ZFHX4: variants seen among roughly 807,000 people sequenced by gnomAD.
ZFHX4 encodes the protein zinc finger homeobox 4.
In ZFHX4, 56 loss-of-function variants were observed where a neutral mutation model predicts 267.6. The observed-to-expected ratio is 0.21, with a 90% CI of 0.17 to 0.26. The LOEUF (loss-of-function observed/expected upper bound fraction) is 0.26, where lower values mean the gene tolerates loss of function less well. Ranked by LOEUF, ZFHX4 falls within the 10% of genes least tolerant of loss-of-function variation. ZFHX4 has a pLI of 1.00. For synonymous variants in ZFHX4, 1,778 were observed against 1,665.6 expected (o/e 1.07, Z -1.64); for missense variants, 4,332 against 4,420.0 (o/e 0.98, Z 0.56).
At chr8:76,699,287 C>A (rs1808039491) in intron 1 of ZFHX4, among the ~76,000 whole-genome samples, 2 of 152,140 alleles carry the variant, frequency 1.3e-5, no homozygotes, top group Non-Finnish European at 2.9e-5. Flanking sequence ...AACATAATGA[C>A]TCCTTAATAG....
At chr8:76,794,356 T>C (rs1218136105) in intron 4 of ZFHX4, among the ~76,000 whole-genome samples, 1 of 152,144 alleles carries the variant, frequency 6.6e-6, no homozygotes, top group Non-Finnish European at 1.5e-5. Context: ...AGATTTTGTG[T>C]CAGATTTTGT....
At chr8:76,708,141 A>G (rs1808331100) in intron 3 of ZFHX4, 93 bp downstream of exon 3, 1 of 1,516,468 alleles carries the variant, frequency 6.6e-7, no homozygotes, top group Non-Finnish European at 9.0e-7. Flanking sequence ...TTAAGGAAAA[A>G]AAAAGAGAAA....
chr8:76,763,852 T>C (rs1809982373), intron 3 of ZFHX4, among the ~76,000 whole-genome samples: 1 of 152,236 alleles, frequency 6.6e-6, no homozygotes, highest in Non-Finnish European at 1.5e-5. Flanking sequence ...ATGCATGTTG[T>C]AGATTCTCTA....
chr8:76,806,904 C>T (rs1811259630), intron 4 of ZFHX4, among the ~76,000 whole-genome samples: 1 of 151,948 alleles, frequency 6.6e-6, no homozygotes, highest in South Asian at 2.1e-4. Context: ...TTGGGATTCA[C>T]CTTGGGACTG....
intron 3 of ZFHX4, among the ~76,000 whole-genome samples, chr8:76,767,794 C>T (rs1810090483): frequency 6.6e-6 from 1 of 152,094 alleles, no homozygotes; most frequent in Non-Finnish European, 1.5e-5. Context: ...AGGAGAACTG[C>T]TTTTCTAAAT....
chr8:76,750,757 C>T (rs1252220237), intron 3 of ZFHX4, among the ~76,000 whole-genome samples: 1 of 152,050 alleles, frequency 6.6e-6, no homozygotes, highest in East Asian at 1.9e-4. Context: ...TGAAAAAAAT[C>T]AGTGGCAGTA....
rs765761593 is a variant in ZFHX4 at position 76,852,606 on chromosome 8, C to A, written c.5685C>A (p.Ile1895=). The change falls in exon 10 of 11, where the codon ATC becomes ATA. Residue 1895 remains isoleucine (I), a synonymous_variant. Transcript: ENST00000651372. ...AGCAAAAATCCTTGGAACCATCCAT[C>A]CCACCACCCCGAATAGCTTCAGGGG... The part of the protein sequence containing the change: ...TKKQKSLEPS[I]PPPRIASGAR... 9 of 1,612,322 alleles carry A rather than the reference C, an allele frequency of 5.6e-6. No homozygotes were observed. The highest frequency in any genetic ancestry group is 4.5e-5 in the East Asian group (2 of 44,760).
At chr8:76,767,900 A>G (rs1474224030) in intron 3 of ZFHX4, among the ~76,000 whole-genome samples, 1 of 152,214 alleles carries the variant, frequency 6.6e-6, no homozygotes. Context: ...CATTATTGGA[A>G]TAAATAATGC....
At position 76,850,892 on chromosome 8, in the gene ZFHX4, G is replaced by A. The variant is rs1812496396; in HGVS notation, c.3971G>A (p.Ser1324Asn). 6.2e-7 allele frequency: 1 copy of A among 1,602,810 alleles called. No homozygotes were observed. Among genetic ancestry groups the A allele is most frequent in the Middle Eastern group, 1.7e-4 (1 of 6,002 alleles). The part of the protein sequence containing the change: ...AEGSGKYSGE[S>N]PMDDKSMAGL... ...TTGTGCTTTTTCCTAATAGGTGAAA[G>A]TCCAATGGATGACAAAAGCATGGCA... Residue 1324 changes from serine (S) to asparagine (N), a missense_variant, in exon 10 of 11, where the codon AGT becomes AAT. Ser to Asn is a conservative substitution (Grantham distance 46). This residue lies in a region of ZFHX4 where 1,371 missense variants were observed against 1,423.1 expected (regional missense o/e 0.96). Transcript: ENST00000651372.
At chr8:76,698,995 C>G (rs1808031020) in intron 1 of ZFHX4, among the ~76,000 whole-genome samples, 1 of 152,102 alleles carries the variant, frequency 6.6e-6, no homozygotes, top group Admixed American at 6.5e-5. Context: ...GCAGGAAGCT[C>G]TAAGCTGGTT....
intron 3 of ZFHX4, among the ~76,000 whole-genome samples, chr8:76,739,594 A>C (rs1809261770): frequency 6.6e-6 from 1 of 152,106 alleles, no homozygotes; most frequent in South Asian, 2.1e-4. Flanking sequence ...ATAGTTGTTT[A>C]ATTGGGCCTA....
intron 9 of ZFHX4, 24 bp downstream of exon 9, chr8:76,850,386 T>C: frequency 6.4e-7 from 1 of 1,563,190 alleles, no homozygotes; most frequent in Non-Finnish European, 8.8e-7. Flanking sequence ...TCATCAAGAC[T>C]TGTGAACAAT....
Position 76,853,193 on chromosome 8 carries a change from TTCC to T in ZFHX4, c.6276_6278del (p.Pro2093del). The T allele has an allele frequency of 1.2e-5, 19 of 1,550,070 alleles. No individual in the cohort carries two copies. The highest frequency in any genetic ancestry group is 1.7e-5 in the Non-Finnish European group (19 of 1,146,238). On this transcript the variant is annotated inframe_deletion, in exon 10 of 11. Transcript: ENST00000651372. ...ATGCAACCTGTGCAACACCCTGCGC[TTCC>T]TCCCCAGCTTGCCCTGCAGCTGCCA...
intron 10 of ZFHX4, among the ~76,000 whole-genome samples, chr8:76,856,586 T>C (rs1179998183): frequency 6.6e-6 from 1 of 152,200 alleles, no homozygotes; most frequent in Non-Finnish European, 1.5e-5. Flanking sequence ...TTTATTTTTA[T>C]ACTAATTTCA....
chr8:76,709,985 T>C (rs1808382935), intron 3 of ZFHX4, among the ~76,000 whole-genome samples: 1 of 152,072 alleles, frequency 6.6e-6, no homozygotes, highest in African/African-American at 2.4e-5. Flanking sequence ...AAAAGCATGA[T>C]TATAAAGAGG....
rs774436983 is a variant in ZFHX4 at position 76,704,807 on chromosome 8, A to G, written c.719A>G (p.Tyr240Cys). 3 of 1,614,178 alleles carry G rather than the reference A, an allele frequency of 1.9e-6. No individual in the cohort carries two copies. Among genetic ancestry groups the G allele is most frequent in the East Asian group, 4.5e-5 (2 of 44,882 alleles). Residue 240 changes from tyrosine to cysteine, a missense_variant, in exon 2 of 11, where the codon TAT becomes TGT. Around this residue, in one of 7 missense-constraint regions of ZFHX4, gnomAD observed 1,195 missense variants for 1,173.6 expected, o/e 1.02. Transcript: ENST00000651372. ...CTCCGACACAAGAGAGAGAAAGACT[A>G]TCTAACCAGTGATGGCTCAGCCAAA... ...YDLRHKREKD[Y>C]LTSDGSAKNS...
intron 3 of ZFHX4, among the ~76,000 whole-genome samples, chr8:76,738,970 C>T (rs1004199820): frequency 6.6e-6 from 1 of 152,156 alleles, no homozygotes; most frequent in African/African-American, 2.4e-5. Context: ...CTGCCTCAGC[C>T]TCCCAAACTT....
rs576064162 is a variant in ZFHX4, at chr8:76,719,518, TC to T, written c.3093+11471del. Among the ~76,000 whole-genome samples the T allele has an allele frequency of 8.9e-3, 1,348 of 151,460 alleles. 17 individuals carry two copies. The highest frequency in any genetic ancestry group is 0.031 in the African/African-American group (1,274 of 41,308). Reference sequence around the variant, plus strand: ...AATTGTGGGAGGACAGTAAGCCTTTTCTTTTTCTACAAAAGGCAAGTCCTGC... The same window carrying T: ...AATTGTGGGAGGACAGTAAGCCTTTTTTTTTCTACAAAAGGCAAGTCCTGC... On this transcript the variant is annotated intron_variant, in intron 3 of 10. Transcript: ENST00000651372.
At position 76,706,450 on chromosome 8, in the gene ZFHX4, A is replaced by C; in HGVS notation, c.2362A>C (p.Ser788Arg). ...CAGGAACCTCCGAATTCATATGACC[A>C]GCGAAAAGCACATGCATAATATGAT... Reference protein sequence around the residue: ...VARNLRIHMTSEKHMHNMMLL... With the variant: ...VARNLRIHMTREKHMHNMMLL... The change falls in exon 2 of 11, where the codon AGC becomes CGC. Residue 788 changes from serine to arginine, a missense_variant. Physicochemically the swap from Ser to Arg is moderately radical, Grantham distance 110. Around this residue, in one of 7 missense-constraint regions of ZFHX4, gnomAD observed 1,195 missense variants for 1,173.6 expected, o/e 1.02. Coordinates refer to ENST00000651372, the MANE Select transcript of ZFHX4 (RefSeq NM_024721.5). 6.2e-7 allele frequency: 1 copy of C among 1,614,204 alleles called. No individual in the cohort carries two copies. The highest frequency in any genetic ancestry group is 8.5e-7 in the Non-Finnish European group (1 of 1,180,014).
Sources: allele counts gnomAD v4.1 joint callset (sites outside exome capture counted in the v4.1 genomes callset), GRCh38; gene constraint gnomAD v4.1.1; regional missense constraint gnomAD v4.1.1; transcripts MANE v1.5; gene names NCBI Gene and HGNC (gene_info 2026-07-23, HGNC 2026-07-21).